The following ROBO2 variants were observed in gnomAD, a reference collection of about 807,000 sequenced individuals.
ROBO2 encodes roundabout homolog 2.
A neutral mutation model predicts 160.8 loss-of-function variants in ROBO2; 53 were observed. That is an observed-to-expected ratio of 0.33 (90% CI 0.26 to 0.41). The LOEUF is 0.41. Among genes scored for constraint, ROBO2 ranks in the 10% least tolerant of loss-of-function variants. The probability of loss-of-function intolerance (pLI) is 1.00; values close to 1 mark genes in which losing one functional copy is unlikely to be tolerated. For missense variants in ROBO2, 1,577 were observed against 1,722.4 expected (o/e 0.92, Z 1.49); for synonymous variants, 664 against 611.7 (o/e 1.09, Z -1.26).
chr3:77,291,498 C>T lies in ROBO2; in HGVS notation c.389-185916C>T, dbSNP rs1321484350. On this transcript the variant is annotated intron_variant, in intron 2 of 25. Transcript: ENST00000461745. ...TAGGCTGAGGCTAGATCACCCCAGA[C>T]ATAAAGTAAAATTGATGGTTAAAAG... Among the ~76,000 whole-genome samples, 16 of 150,302 alleles carry T rather than the reference C, an allele frequency of 1.1e-4. 1 individual carries two copies. Among genetic ancestry groups the T allele is most frequent in the Admixed American group, 4.6e-4 (7 of 15,084 alleles).
At chr3:77,632,597 T>C in intron 23 of ROBO2, 1 of 1,535,806 alleles carries the variant, frequency 6.5e-7, no homozygotes, top group Non-Finnish European at 8.7e-7. Context: ...GCACAAGCAC[T>C]GGTGGCAGCA....
At chr3:76,537,787 G>A (rs1025941548) in intron 2 of ROBO2, among the ~76,000 whole-genome samples, 72 of 152,142 alleles carry the variant, frequency 4.7e-4, no homozygotes, top group African/African-American at 1.1e-3. Flanking sequence ...AGTCAGCAAA[G>A]GGAGATAGGG....
intron 2 of ROBO2, among the ~76,000 whole-genome samples, chr3:76,603,560 T>G (rs2087406506): frequency 6.6e-6 from 1 of 151,626 alleles, no homozygotes; most frequent in Admixed American, 6.6e-5. Flanking sequence ...TAGATGGAGT[T>G]TTTTTTAAAA....
At chr3:75,964,902 T>C (rs1949049248) in intron 2 of ROBO2, 1 of 150,896 alleles carries the variant, frequency 6.6e-6, no homozygotes, top group Non-Finnish European at 1.5e-5. Context: ...AGTATTCCCA[T>C]TATATGTTTC....
intron 2 of ROBO2, among the ~76,000 whole-genome samples, chr3:76,278,063 G>A (rs1001878199): frequency 2.6e-5 from 4 of 151,506 alleles, no homozygotes; most frequent in Non-Finnish European, 4.4e-5. Flanking sequence ...AGAGGTAAAC[G>A]GTGAAATGCA....
chr3:76,621,334 G>A (rs1446070580), intron 2 of ROBO2, among the ~76,000 whole-genome samples: 1 of 152,166 alleles, frequency 6.6e-6, no homozygotes, highest in East Asian at 1.9e-4. Flanking sequence ...GCTTTGGTCT[G>A]TTAAGATCTC....
At chr3:77,484,663 T>C (rs1023670207) in intron 4 of ROBO2, among the ~76,000 whole-genome samples, 6 of 152,038 alleles carry the variant, frequency 3.9e-5, no homozygotes, top group African/African-American at 1.4e-4. Flanking sequence ...ATTATTTGAC[T>C]TCCTATTATA....
intron 2 of ROBO2, among the ~76,000 whole-genome samples, chr3:76,318,390 G>A (rs111242291): frequency 0.012 from 1,764 of 152,144 alleles, 36 homozygotes; most frequent in African/African-American, 0.04. Flanking sequence ...TATCAAGCAT[G>A]TGTACAAATT....
rs2074973742 is a variant in ROBO2, at chr3:77,393,615, TCAAA to T, written c.389-83795_389-83792del. 5.4e-5 allele frequency among the ~76,000 whole-genome samples: 8 copies of T among 149,260 alleles called. No homozygotes were observed. In the South Asian group the frequency reaches 1.5e-3, roughly 27 times the overall value. On this transcript the variant is annotated intron_variant, in intron 2 of 25. Coordinates refer to ENST00000461745, the Ensembl canonical transcript of ROBO2. ...ATATATAATATATTTATACTGAACA[TCAAA>T]CAATGTTTAATTATAACAACTACTT...
Position 77,211,892 on chromosome 3 carries a change from T to C in ROBO2, c.388+113552T>C, listed in dbSNP as rs531319955. On this transcript the variant is annotated intron_variant, in intron 2 of 25. Coordinates refer to ENST00000461745, the Ensembl canonical transcript of ROBO2. ...CAAAGATCAGATAGTTGTAGATATG[T>C]GGCATTATTTCTGAGGGCTCTGTTC... is the stretch of plus-strand genomic sequence containing the variant. Among the ~76,000 whole-genome samples, 31 of 152,294 alleles carry C rather than the reference T, an allele frequency of 2.0e-4. No homozygotes were observed. In the South Asian group the frequency reaches 3.9e-3, roughly 19 times the overall value.
chr3:77,333,273 AC>A (rs373131132), intron 2 of ROBO2, among the ~76,000 whole-genome samples: 200 of 152,338 alleles, frequency 1.3e-3, no homozygotes, highest in African/African-American at 4.7e-3. Context: ...TGTCGCAGAC[AC>A]CTTAATTAAA....
At chr3:77,259,601 CA>C (rs1419765936) in intron 2 of ROBO2, among the ~76,000 whole-genome samples, 1 of 151,878 alleles carries the variant, frequency 6.6e-6, no homozygotes, top group Admixed American at 6.6e-5. Flanking sequence ...AGAGCAGGAA[CA>C]AAAAAGGATG....
At chr3:76,887,632 T>C (rs551104114) in intron 2 of ROBO2, among the ~76,000 whole-genome samples, 19 of 152,268 alleles carry the variant, frequency 1.2e-4, no homozygotes, top group African/African-American at 4.3e-4. Flanking sequence ...CTAAACATAG[T>C]TCTCTCAAAA....
rs577734068 is a variant in ROBO2, at chr3:76,423,253, A to G, written c.109+485651A>G. Among the ~76,000 whole-genome samples the G allele has an allele frequency of 5.9e-5, 9 of 152,332 alleles. No individual in the cohort carries two copies. In the South Asian group the frequency reaches 1.9e-3, roughly 32 times the overall value. ...GAGAGAGCAGATAAGGAAGACACAG[A>G]ACTGCTGAGAAGCGCTCCATAACTA... On this transcript the variant is annotated intron_variant, in intron 2 of 26. Transcript: ENST00000487694.
intron 2 of ROBO2, among the ~76,000 whole-genome samples, chr3:75,963,421 T>C (rs1481158978): frequency 6.6e-6 from 1 of 151,814 alleles, no homozygotes; most frequent in Non-Finnish European, 1.5e-5. Context: ...GGTCTTGAAC[T>C]TCCAGCCTCA....
At chr3:76,249,048 G>T (rs1705816375) in intron 2 of ROBO2, among the ~76,000 whole-genome samples, 1 of 152,090 alleles carries the variant, frequency 6.6e-6, no homozygotes, top group Non-Finnish European at 1.5e-5. Context: ...TGAAAAACTG[G>T]GAATTCTTTG....
At chr3:77,009,929 G>C (rs1294605955) in intron 2 of ROBO2, among the ~76,000 whole-genome samples, 1 of 129,308 alleles carries the variant, frequency 7.7e-6, no homozygotes, top group African/African-American at 3.0e-5. Context: ...CTGAGTGACA[G>C]AGTGAGACTC....
intron 2 of ROBO2, among the ~76,000 whole-genome samples, chr3:76,763,057 G>A: frequency 6.6e-6 from 1 of 151,650 alleles, no homozygotes. Context: ...TTCCATAGCA[G>A]CTAACTATCT....
chr3:77,365,388 T>C (rs376572618), intron 2 of ROBO2, among the ~76,000 whole-genome samples: 7 of 152,168 alleles, frequency 4.6e-5, no homozygotes, highest in Admixed American at 1.3e-4. Context: ...TGACAGCTAT[T>C]TTTTTGGGAG....
Sources: gnomAD v4.1 joint callset for allele counts (sites outside exome capture counted in the v4.1 genomes callset) on GRCh38, gnomAD v4.1.1 for gene constraint, MANE v1.5 for transcripts, NCBI Gene and HGNC (gene_info 2026-07-23, HGNC 2026-07-21) for gene names.